MBNL1: variants seen among roughly 807,000 people sequenced by gnomAD.
The protein encoded by MBNL1 is muscleblind-like protein 1.
MBNL1 carries 8 observed loss-of-function variants against 42.2 expected under a neutral mutation model. The ratio of observed to expected loss-of-function variants is 0.19; its 90% CI spans 0.11 to 0.34. The LOEUF is 0.34. Among genes scored for constraint, MBNL1 ranks in the 10% least tolerant of loss-of-function variants. The probability of loss-of-function intolerance (pLI) is 1.00; values close to 1 mark genes in which losing one functional copy is unlikely to be tolerated. For missense variants in MBNL1, 309 were observed against 495.3 expected (o/e 0.62, Z 3.57); for synonymous variants, 169 against 173.9 (o/e 0.97, Z 0.22).
At chr3:152,350,713 C>T (rs2094867933) in intron 2 of MBNL1, among the ~76,000 whole-genome samples, 1 of 152,108 alleles carries the variant, frequency 6.6e-6, no homozygotes, top group Admixed American at 6.6e-5. Context: ...AATGAAGGTG[C>T]TTAGCCAGAT....
intron 3 of MBNL1, among the ~76,000 whole-genome samples, chr3:152,417,991 G>A (rs369039225): frequency 5.3e-5 from 8 of 152,258 alleles, no homozygotes; most frequent in Admixed American, 2.0e-4. Flanking sequence ...CACAACACTG[G>A]GCTAACTTGG....
intron 1 of MBNL1, among the ~76,000 whole-genome samples, chr3:152,285,893 C>T (rs1464287229): frequency 2.0e-5 from 3 of 150,296 alleles, no homozygotes; most frequent in African/African-American, 4.9e-5. Context: ...CAAAGTGCTG[C>T]GATTATAGGT....
rs920644055 is a variant in MBNL1 at position 152,355,136 on chromosome 3, C to T, written c.174+54769C>T. On this transcript the variant is annotated intron_variant, in intron 2 of 9. Transcript: ENST00000324210. ...TTAAAAGAAAGTATGACAAAAAAATCGTAAGTGAGATCCAGTCTCTGCCCA... is the reference window on the plus strand; with the variant it reads ...TTAAAAGAAAGTATGACAAAAAAATTGTAAGTGAGATCCAGTCTCTGCCCA... Among the ~76,000 whole-genome samples, 18 of 152,116 alleles carry T rather than the reference C, an allele frequency of 1.2e-4. No individual in the cohort carries two copies. In the East Asian group the frequency reaches 2.3e-3, roughly 20 times the overall value.
At chr3:152,326,778 A>ATTATTTATTTATTTATTTATTTAT (rs3988216) in intron 2 of MBNL1, among the ~76,000 whole-genome samples, 4 of 141,964 alleles carry the variant, frequency 2.8e-5, no homozygotes, top group African/African-American at 7.9e-5. Context: ...CCTTGGGAAA[A>ATTATTTATTTATTTATTTATTTAT]TTATTTATTT....
At chr3:152,404,451 A>G (rs1351692164) in intron 2 of MBNL1, among the ~76,000 whole-genome samples, 1 of 152,024 alleles carries the variant, frequency 6.6e-6, no homozygotes, top group Admixed American at 6.6e-5. Context: ...CTTTAGAGAT[A>G]CTTTACTTTA....
upstream of MBNL1, chr3:152,243,826 A>G (rs938107149): frequency 1.3e-5 from 2 of 152,100 alleles, no homozygotes; most frequent in African/African-American, 4.8e-5. Flanking sequence ...CTTTTTTGAA[A>G]TGGAGTCTCA....
At chr3:152,384,317 A>G (rs978423284) in intron 2 of MBNL1, among the ~76,000 whole-genome samples, 1 of 152,114 alleles carries the variant, frequency 6.6e-6, no homozygotes, top group African/African-American at 2.4e-5. Flanking sequence ...ATTTTTTGGC[A>G]TATAAAATAA....
rs541832111 is a variant in MBNL1 at position 152,410,507 on chromosome 3, A to C, written c.175-4434A>C. 1.4e-4 allele frequency among the ~76,000 whole-genome samples: 21 copies of C among 152,352 alleles called. No individual in the cohort carries two copies. The South Asian group carries it at 4.1e-3, about 30-fold the overall frequency. The stretch of plus-strand genomic sequence containing the variant: ...TTATTAATTTTCCTTCTTTCCCTTA[A>C]AATATATACTGCATATATTGCAATG... On this transcript the variant is annotated intron_variant, in intron 2 of 9. Transcript: ENST00000324210.
At chr3:152,406,936 A>G (rs2098443396) in intron 2 of MBNL1, among the ~76,000 whole-genome samples, 1 of 152,112 alleles carries the variant, frequency 6.6e-6, no homozygotes, top group Non-Finnish European at 1.5e-5. Flanking sequence ...ATTACATTAT[A>G]TTCTTTCAGG....
intron 2 of MBNL1, among the ~76,000 whole-genome samples, chr3:152,406,217 T>G (rs1288089061): frequency 6.6e-6 from 1 of 152,048 alleles, no homozygotes; most frequent in Admixed American, 6.6e-5. Context: ...ACCTCAGCAG[T>G]GGTGATACAC....
chr3:152,374,841 G>A (rs989953084), intron 2 of MBNL1, among the ~76,000 whole-genome samples: 9 of 152,164 alleles, frequency 5.9e-5, no homozygotes, highest in African/African-American at 2.2e-4. Context: ...GTCAAAAGAG[G>A]ACTCAGGAAA....
intron 2 of MBNL1, among the ~76,000 whole-genome samples, chr3:152,375,736 T>C (rs554414336): frequency 1.3e-5 from 2 of 152,148 alleles, no homozygotes; most frequent in South Asian, 4.1e-4. Context: ...GGGGGATTGC[T>C]TAAGCCCTGG....
At chr3:152,382,222 A>G (rs1291339534) in intron 2 of MBNL1, among the ~76,000 whole-genome samples, 2 of 152,126 alleles carry the variant, frequency 1.3e-5, no homozygotes, top group African/African-American at 4.8e-5. Flanking sequence ...TTTGTCTTAC[A>G]CAGTAGTTAA....
At chr3:152,353,109 C>T (rs906766998) in intron 2 of MBNL1, among the ~76,000 whole-genome samples, 4 of 152,152 alleles carry the variant, frequency 2.6e-5, no homozygotes, top group African/African-American at 9.7e-5. Context: ...GTACAAAAGT[C>T]AGAGTACTCT....
intron 2 of MBNL1, among the ~76,000 whole-genome samples, chr3:152,390,220 C>G (rs1178264083): frequency 6.7e-6 from 1 of 149,886 alleles, no homozygotes; most frequent in East Asian, 1.9e-4. Context: ...GATTGTACAT[C>G]TGTACAAAAA....
chr3:152,337,442 A>G (rs1394467850), intron 2 of MBNL1, among the ~76,000 whole-genome samples: 2 of 152,030 alleles, frequency 1.3e-5, no homozygotes, highest in Admixed American at 6.6e-5. Context: ...CAGCATGGTG[A>G]AGGCCTGTCT....
At chr3:152,431,188 G>C (rs1445667702) in intron 3 of MBNL1, among the ~76,000 whole-genome samples, 1 of 152,130 alleles carries the variant, frequency 6.6e-6, no homozygotes. Flanking sequence ...GGGCTGTCTT[G>C]TATGTTGTAG....
In MBNL1 at chr3:152,287,087, G is replaced by A. The variant is rs563418055; in HGVS notation, c.-789-12318G>A. Among the ~76,000 whole-genome samples the A allele has an allele frequency of 4.6e-5, 7 of 152,100 alleles. No homozygotes were observed. In the South Asian group the frequency reaches 1.5e-3, roughly 32 times the overall value. On this transcript the variant is annotated intron_variant, in intron 1 of 9. Coordinates refer to ENST00000324210, the MANE Select transcript of MBNL1 (RefSeq NM_021038.5). Reference sequence around the variant, plus strand: ...ACAAAAAGTAGCCGGGTGTGGTGGTGGGTGCCTGTAGTCCCAGCTACTCAG... The same window carrying A: ...ACAAAAAGTAGCCGGGTGTGGTGGTAGGTGCCTGTAGTCCCAGCTACTCAG...
intron 3 of MBNL1, among the ~76,000 whole-genome samples, chr3:152,431,054 A>G (rs1378620385): frequency 6.6e-6 from 1 of 152,252 alleles, no homozygotes; most frequent in African/African-American, 2.4e-5. Flanking sequence ...GTAAAAATGT[A>G]TAGCTAAATG....
Sources: gnomAD v4.1 joint callset for allele counts (sites outside exome capture counted in the v4.1 genomes callset) on GRCh38, gnomAD v4.1.1 for gene constraint, MANE v1.5 for transcripts, NCBI Gene and HGNC (gene_info 2026-07-23, HGNC 2026-07-21) for gene names.